Variants in EPHA8 observed in about 807,000 individuals in gnomAD.
The protein encoded by EPHA8 is EPH receptor A8.
EPHA8 carries 58 observed loss-of-function variants against 103.6 expected under a neutral mutation model. The observed-to-expected ratio is 0.56, with a 90% CI of 0.45 to 0.70. The LOEUF (loss-of-function observed/expected upper bound fraction) is 0.70, where lower values mean the gene tolerates loss of function less well. EPHA8 is among the 30% of genes least tolerant of loss of function. EPHA8 has a pLI of 0.00. For synonymous variants in EPHA8, 559 were observed against 572.5 expected (o/e 0.98, Z 0.34); for missense variants, 1,304 against 1,395.2 (o/e 0.93, Z 1.04).
chr1:22,588,255 C>T (rs1641271630), intron 4 of EPHA8, among the ~76,000 whole-genome samples: 1 of 152,074 alleles, frequency 6.6e-6, no homozygotes, highest in Non-Finnish European at 1.5e-5. Flanking sequence ...ACCCCCACCC[C>T]AGCCCCTCAG....
intron 3 of EPHA8, among the ~76,000 whole-genome samples, chr1:22,580,295 C>T (rs1468058639): frequency 6.6e-6 from 1 of 151,876 alleles, no homozygotes; most frequent in African/African-American, 2.4e-5. Context: ...CCCGCCACCA[C>T]GCCCAGCTAA....
At chr1:22,579,359 GTGTA>G (rs377458526) in intron 3 of EPHA8, among the ~76,000 whole-genome samples, 4,918 of 149,844 alleles carry the variant, frequency 0.033, 283 homozygotes, top group African/African-American at 0.12. Context: ...GTATGCGTGT[GTGTA>G]TGTGTGCATG....
At chr1:22,585,392 C>A (rs765309100) in intron 3 of EPHA8, among the ~76,000 whole-genome samples, 8 of 152,196 alleles carry the variant, frequency 5.3e-5, no homozygotes, top group Non-Finnish European at 7.4e-5. Flanking sequence ...CTCCCTCAAC[C>A]TAGGGTATCC....
chr1:22,597,309 C>A lies in EPHA8; in HGVS notation c.1766-3C>A. On this transcript the variant is annotated splice_region_variant and splice_polypyrimidine_tract_variant and intron_variant, in intron 9 of 16. Transcript: ENST00000166244. The surrounding 1 kb of genome is among the most constrained non-coding windows in gnomAD (Gnocchi z 4.6). ...CACTGAAGGCCCTCCTCCCGCCCCT[C>A]AGCACCCCCACCTGTCTTCCTGCCT... The A allele has an allele frequency of 1.3e-6, 2 of 1,598,530 alleles. No homozygotes were observed. Among genetic ancestry groups the A allele is most frequent in the Non-Finnish European group, 1.7e-6 (2 of 1,169,782 alleles).
chr1:22,594,353 C>G lies in EPHA8; in HGVS notation c.1603+667C>G, dbSNP rs1222467077. Among the ~76,000 whole-genome samples the G allele has an allele frequency of 2.0e-5, 3 of 152,256 alleles. No individual in the cohort carries two copies. The South Asian group carries it at 6.2e-4, about 31-fold the overall frequency. ...GGCGGCAGAGATGGTGACAGCCCCC[C>G]ACACACCATGGCTGGTACTGAGATG... On this transcript the variant is annotated intron_variant, in intron 7 of 16. Transcript: ENST00000166244.
intron 3 of EPHA8, among the ~76,000 whole-genome samples, chr1:22,578,096 G>GTCAGTGTGTGCATGTAGCA (rs1557559333): frequency 1.3e-4 from 4 of 30,272 alleles, no homozygotes; most frequent in Non-Finnish European, 3.2e-4. Context: ...TGCATGTAGC[G>GTCAGTGTGTGCATGTAGCA]TCAGTGTATG....
At chr1:22,578,159 CATG>C in intron 3 of EPHA8, among the ~76,000 whole-genome samples, 2 of 72,294 alleles carry the variant, frequency 2.8e-5, no homozygotes, top group South Asian at 1.1e-3. Flanking sequence ...TGCGTGTGTG[CATG>C]AGTGTATGTG....
rs1005594042 is a variant in EPHA8 at position 22,598,291 on chromosome 1, C to G, written c.2178+79C>G. ...GGGTGCTGGGAGATAGTGCAAAGCCCTCTAAGCCCCCTCCCTGGCTTGGAC... is the reference window on the plus strand; with the variant it reads ...GGGTGCTGGGAGATAGTGCAAAGCCGTCTAAGCCCCCTCCCTGGCTTGGAC... On this transcript the variant is annotated intron_variant, in intron 12 of 16. Transcript: ENST00000166244. The surrounding 1 kb of genome is among the most constrained non-coding windows in gnomAD (Gnocchi z 5.1). The G allele has an allele frequency of 1.8e-4, 255 of 1,412,852 alleles. No individual in the cohort carries two copies. The Admixed American group carries it at 4.8e-3, about 27-fold the overall frequency. 87.5% of individuals were successfully genotyped at this position (1,412,852 alleles called of 1,614,324 possible).
At chr1:22,578,925 ATG>A (rs1400100569) in intron 3 of EPHA8, among the ~76,000 whole-genome samples, 6 of 140,934 alleles carry the variant, frequency 4.3e-5, no homozygotes, top group Non-Finnish European at 6.1e-5. Flanking sequence ...ATGTGCGTTT[ATG>A]TGTGCATGTG....
At chr1:22,585,056 C>CTGTGTGTGTGTGT (rs1557568113) in intron 3 of EPHA8, among the ~76,000 whole-genome samples, 1 of 86,636 alleles carries the variant, frequency 1.2e-5, no homozygotes, top group African/African-American at 7.4e-5. Flanking sequence ...TGTGTGCGCA[C>CTGTGTGTGTGTGT]GCGTGTGTCT....
At chr1:22,577,918 AGTGT>A (rs1557558645) in intron 3 of EPHA8, among the ~76,000 whole-genome samples, 9 of 14,356 alleles carry the variant, frequency 6.3e-4, no homozygotes, top group South Asian at 2.6e-3. Context: ...TGTGTGCGTG[AGTGT>A]ATGTGTGCGT....
At chr1:22,586,246 G>C (rs1440753948) in intron 3 of EPHA8, among the ~76,000 whole-genome samples, 1 of 152,118 alleles carries the variant, frequency 6.6e-6, no homozygotes, top group Admixed American at 6.5e-5. Context: ...CCCATGTCAG[G>C]GTCTGAACCT....
intron 13 of EPHA8, among the ~76,000 whole-genome samples, chr1:22,599,728 GA>G (rs1449230941): frequency 4.8e-3 from 4 of 842 alleles, no homozygotes; most frequent in Non-Finnish European, 0.011. Flanking sequence ...GGGAGGGAGG[GA>G]AGGAAGGAGG....
Position 22,593,540 on chromosome 1 carries a change from G to C in EPHA8, c.1457G>C (p.Ser486Thr), listed in dbSNP as rs142120877. Residue 486 changes from serine to threonine, a missense_variant, in exon 7 of 17, where the codon AGC (serine) becomes ACC (threonine). Coordinates refer to ENST00000166244, the MANE Select transcript of EPHA8 (RefSeq NM_020526.5). ...KYYEKDKEMQ[S>T]YSTLKAVTTR... Reference sequence around the variant, plus strand: ...CCGTGGCAGGACAAGGAGATGCAGAGCTACTCCACCCTCAAGGCCGTCACC... The same window carrying C: ...CCGTGGCAGGACAAGGAGATGCAGACCTACTCCACCCTCAAGGCCGTCACC... 1.9e-6 allele frequency: 3 copies of C among 1,612,328 alleles called. No individual in the cohort carries two copies. The African/African-American group carries it at 4.0e-5, about 22-fold the overall frequency.
intron 2 of EPHA8, among the ~76,000 whole-genome samples, chr1:22,574,648 C>T (rs1005726131): frequency 1.3e-5 from 2 of 152,150 alleles, no homozygotes; most frequent in East Asian, 1.9e-4. Flanking sequence ...GCTAATACTC[C>T]GTTGTAGGTA....
chr1:22,568,672 G>GC (rs1640439573), intron 1 of EPHA8, among the ~76,000 whole-genome samples: 1 of 152,250 alleles, frequency 6.6e-6, no homozygotes, highest in African/African-American at 2.4e-5. Flanking sequence ...ACCCCGCTAA[G>GC]CCCCTCCACA....
Position 22,577,855 on chromosome 1 carries a change from CGTATGT to C in EPHA8, c.823+976_823+981del, listed in dbSNP as rs1204804106. 1.2e-3 allele frequency among the ~76,000 whole-genome samples: 113 copies of C among 94,842 alleles called. 1 individual carries two copies. The highest frequency in any genetic ancestry group is 2.6e-3 in the Non-Finnish European group (101 of 39,078). The allele number at this position is 94,842 out of a possible 152,430, so 62.2% of individuals were successfully genotyped here. A position where few individuals can be genotyped will look rare whatever the true frequency, so the allele number is the denominator to read the frequency against. ...GCGTGTGTGCATGTATGTGTGCATG[CGTATGT>C]ATGCATTGTGTGGGCCTGTGTTCAT... On this transcript the variant is annotated intron_variant, in intron 3 of 16. Transcript: ENST00000166244.
At position 22,601,706 on chromosome 1, in the gene EPHA8, C is replaced by A; in HGVS notation, c.2983C>A (p.Leu995Met). 6.3e-7 allele frequency: 1 copy of A among 1,575,308 alleles called. No individual in the cohort carries two copies. Among genetic ancestry groups the A allele is most frequent in the Non-Finnish European group, 8.6e-7 (1 of 1,160,354 alleles). The change falls in exon 17 of 17, where the codon CTG (leucine) becomes ATG (methionine). Residue 995 changes from leucine (L) to methionine (M), a missense_variant. Coordinates refer to ENST00000166244, the MANE Select transcript of EPHA8 (RefSeq NM_020526.5). ...LGSIQTMRAQ[L>M]TSTQGPRRHL Reference sequence around the variant, plus strand: ...CAGCATTCAGACCATGCGGGCCCAGCTGACCAGCACCCAGGGGCCCCGCCG... The same window carrying A: ...CAGCATTCAGACCATGCGGGCCCAGATGACCAGCACCCAGGGGCCCCGCCG...
chr1:22,585,043 G>A (rs907090042), intron 3 of EPHA8, among the ~76,000 whole-genome samples: 1 of 122,930 alleles, frequency 8.1e-6, no homozygotes, highest in Non-Finnish European at 1.6e-5. Flanking sequence ...GTGTGTGTGT[G>A]TGTGTGTGCG....
Sources: allele counts gnomAD v4.1 joint callset (sites outside exome capture counted in the v4.1 genomes callset), GRCh38; gene constraint gnomAD v4.1.1; non-coding constraint Gnocchi (gnomAD v3.1); transcripts MANE v1.5; gene names NCBI Gene and HGNC (gene_info 2026-07-23, HGNC 2026-07-21).